VWC2L: variants seen among roughly 807,000 people sequenced by gnomAD.
VWC2L encodes the protein von Willebrand factor C domain-containing protein 2-like.
A neutral mutation model predicts 21.6 loss-of-function variants in VWC2L; 10 were observed. The observed-to-expected ratio is 0.46, with a 90% CI of 0.29 to 0.78. VWC2L has a LOEUF of 0.78. Among genes scored for constraint, VWC2L ranks in the 30% least tolerant of loss-of-function variants. The pLI is 0.10. For synonymous variants in VWC2L, 96 were observed against 94.3 expected, an observed-to-expected ratio of 1.02 and a Z score of -0.10; for missense variants, 209 against 277.1, an observed-to-expected ratio of 0.75 and a Z score of 1.74.
chr2:214,469,480 A>C (rs944589139), intron 3 of VWC2L, among the ~76,000 whole-genome samples: 35 of 152,126 alleles, frequency 2.3e-4, no homozygotes, highest in African/African-American at 7.2e-4. Flanking sequence ...CTGTAGTCCC[A>C]GTTACTTGGG....
At chr2:214,539,221 T>C (rs902295906) in intron 3 of VWC2L, among the ~76,000 whole-genome samples, 2 of 152,084 alleles carry the variant, frequency 1.3e-5, no homozygotes, top group Non-Finnish European at 2.9e-5. Context: ...GTAAATCAAC[T>C]CAGAGGAGCA....
At chr2:214,465,018 C>T (rs1447842264) in intron 3 of VWC2L, among the ~76,000 whole-genome samples, 1 of 152,002 alleles carries the variant, frequency 6.6e-6, no homozygotes, top group African/African-American at 2.4e-5. Flanking sequence ...AGGCCTAGGT[C>T]TCTCCTTTCA....
chr2:214,463,482 T>C (rs529101960), intron 3 of VWC2L, among the ~76,000 whole-genome samples: 3 of 152,296 alleles, frequency 2.0e-5, no homozygotes, highest in African/African-American at 7.2e-5. Context: ...TTCTTATAGA[T>C]GACATATAGT....
At chr2:214,521,948 T>C (rs1689247315) in intron 3 of VWC2L, among the ~76,000 whole-genome samples, 1 of 152,246 alleles carries the variant, frequency 6.6e-6, no homozygotes, top group Non-Finnish European at 1.5e-5. Flanking sequence ...AGCATTAATC[T>C]TAATAGCTTT....
intron 3 of VWC2L, among the ~76,000 whole-genome samples, chr2:214,559,943 AAT>A (rs913896636): frequency 1.3e-5 from 2 of 152,200 alleles, no homozygotes; most frequent in African/African-American, 4.8e-5. Context: ...ACAAGAAGGA[AAT>A]ATGTTTGTCT....
At chr2:214,516,782 C>A (rs1388756129) in intron 3 of VWC2L, among the ~76,000 whole-genome samples, 1 of 152,010 alleles carries the variant, frequency 6.6e-6, no homozygotes, top group African/African-American at 2.4e-5. Flanking sequence ...GGCATGTAGA[C>A]TTACGTTTGG....
chr2:214,525,174 GA>G (rs1689313187), intron 3 of VWC2L: 1 of 151,716 alleles, frequency 6.6e-6, no homozygotes, highest in Non-Finnish European at 1.5e-5. Context: ...TTTTCTTCAG[GA>G]AAAATCCCCA....
intron 3 of VWC2L, among the ~76,000 whole-genome samples, chr2:214,531,102 G>C (rs993296069): frequency 7.2e-5 from 11 of 152,084 alleles, no homozygotes; most frequent in Admixed American, 6.6e-5. Context: ...CTTGCCTGTA[G>C]ACTCAATAAG....
In VWC2L at chr2:214,575,691, A is replaced by G. The variant is rs16852050; in HGVS notation, c.540A>G (p.Gly180=). 1.2e-6 allele frequency: 2 copies of G among 1,613,386 alleles called. No individual in the cohort carries two copies. Among genetic ancestry groups the G allele is most frequent in the East Asian group, 2.2e-5 (1 of 44,864 alleles). The change falls in exon 4 of 4, where the codon GGA becomes GGG. Residue 180 remains glycine (G), a synonymous_variant. Coordinates refer to ENST00000312504, the MANE Select transcript of VWC2L (RefSeq NM_001080500.4). The stretch of plus-strand genomic sequence containing the variant: ...TTTCAGGTCCAAACTGCTTTGCAGG[A>G]ACGACGATAATTCCAGCTGGCATTG... ...VCKNGPNCFA[G]TTIIPAGIEV...
intron 3 of VWC2L, among the ~76,000 whole-genome samples, chr2:214,475,979 G>A (rs1182499543): frequency 3.3e-5 from 5 of 152,132 alleles, no homozygotes; most frequent in Admixed American, 1.3e-4. Context: ...CAAAGCAGCC[G>A]CAAAACAATT....
intron 3 of VWC2L, among the ~76,000 whole-genome samples, chr2:214,461,868 G>A (rs1002393443): frequency 2.6e-5 from 4 of 152,212 alleles, no homozygotes; most frequent in African/African-American, 7.2e-5. Flanking sequence ...TGGTGTGCGT[G>A]TGGTTGCTAT....
intron 3 of VWC2L, among the ~76,000 whole-genome samples, chr2:214,457,909 T>C (rs551136141): frequency 6.6e-6 from 1 of 152,290 alleles, no homozygotes; most frequent in African/African-American, 2.4e-5. Context: ...TCTTCAGGGA[T>C]ATTGACCTGT....
chr2:214,455,270 TGA>T (rs1462627979), intron 3 of VWC2L, among the ~76,000 whole-genome samples: 1 of 152,214 alleles, frequency 6.6e-6, no homozygotes, highest in Non-Finnish European at 1.5e-5. Context: ...TTTATAACCA[TGA>T]GTTAGCTTTG....
At chr2:214,445,499 C>CAT (rs1418024465) in intron 3 of VWC2L, among the ~76,000 whole-genome samples, 1 of 151,478 alleles carries the variant, frequency 6.6e-6, no homozygotes, top group Non-Finnish European at 1.5e-5. Context: ...CATGTATGTA[C>CAT]ATATATGTGT....
At chr2:214,551,629 T>G (rs1016607164) in intron 3 of VWC2L, among the ~76,000 whole-genome samples, 1 of 152,252 alleles carries the variant, frequency 6.6e-6, no homozygotes, top group Non-Finnish European at 1.5e-5. Context: ...TTAGTGATTT[T>G]TATTGACTTC....
chr2:214,415,617 G>C (rs1395079520), intron 2 of VWC2L, among the ~76,000 whole-genome samples: 2 of 152,166 alleles, frequency 1.3e-5, no homozygotes, highest in South Asian at 2.1e-4. Context: ...CCAGAAATCA[G>C]TATGTAGAAA....
rs114456912 is a variant in VWC2L at position 214,487,789 on chromosome 2, C to T, written c.520+51031C>T. Among the ~76,000 whole-genome samples, 484 of 152,228 alleles carry T rather than the reference C, an allele frequency of 3.2e-3. 9 individuals are homozygous for T. Among genetic ancestry groups the T allele is most frequent in the African/African-American group, 0.011 (469 of 41,542 alleles). On this transcript the variant is annotated intron_variant, in intron 3 of 3. Transcript: ENST00000312504. Reference sequence around the variant, plus strand: ...GTCAGGAAGAGGGCAATTCACAGTACCTTGTAGGTCATGATGTTTTTTGGT... The same window carrying T: ...GTCAGGAAGAGGGCAATTCACAGTATCTTGTAGGTCATGATGTTTTTTGGT...
At chr2:214,550,505 A>C (rs1018430169) in intron 3 of VWC2L, among the ~76,000 whole-genome samples, 2 of 152,054 alleles carry the variant, frequency 1.3e-5, no homozygotes, top group Non-Finnish European at 2.9e-5. Context: ...GCCACATATC[A>C]TCTCTTTCTG....
chr2:214,497,644 G>A (rs558417103), intron 3 of VWC2L, among the ~76,000 whole-genome samples: 5 of 152,208 alleles, frequency 3.3e-5, no homozygotes, highest in South Asian at 4.1e-4. Context: ...TGCCATTTCC[G>A]TAAATTCACT....
Sources: gnomAD v4.1 joint callset for allele counts (sites outside exome capture counted in the v4.1 genomes callset) on GRCh38, gnomAD v4.1.1 for gene constraint, MANE v1.5 for transcripts, NCBI Gene and HGNC (gene_info 2026-07-23, HGNC 2026-07-21) for gene names.